Variants in DPY19L1 observed in about 807,000 individuals in gnomAD.
DPY19L1 encodes dpy-19 like C-mannosyltransferase 1.
Under a neutral mutation model 96.9 loss-of-function variants are expected in DPY19L1, and 35 were observed. The ratio of observed to expected loss-of-function variants is 0.36; its 90% CI spans 0.28 to 0.48. The LOEUF (loss-of-function observed/expected upper bound fraction) is 0.48. DPY19L1 is among the 20% of genes least tolerant of loss of function. DPY19L1 has a pLI of 0.99. For missense variants in DPY19L1, 521 were observed against 777.9 expected (o/e 0.67, Z 3.93); for synonymous variants, 205 against 252.6 (o/e 0.81, Z 1.79).
intron 19 of DPY19L1, 66 bp from the exon 20 acceptor site, chr7:34,939,441 G>T: frequency 1.1e-5 from 15 of 1,377,100 alleles, no homozygotes; most frequent in Non-Finnish European, 1.4e-5. Context: ...TCCTTCAAGT[G>T]TAAATCAATT....
chr7:34,948,752 C>T (rs1239231709), intron 14 of DPY19L1, among the ~76,000 whole-genome samples: 1 of 152,178 alleles, frequency 6.6e-6, no homozygotes, highest in East Asian at 1.9e-4. Context: ...GCAAGATATG[C>T]TTCCTTTGTT....
At chr7:35,016,957 T>C (rs1347117206) in intron 3 of DPY19L1, among the ~76,000 whole-genome samples, 4 of 149,878 alleles carry the variant, frequency 2.7e-5, no homozygotes, top group Admixed American at 6.7e-5. Flanking sequence ...AAATGCAATG[T>C]GTAGGCACTG....
At chr7:34,992,457 G>A (rs540024158) in intron 6 of DPY19L1, among the ~76,000 whole-genome samples, 30 of 151,938 alleles carry the variant, frequency 2.0e-4, no homozygotes, top group Non-Finnish European at 3.5e-4. Context: ...TCCGTTCTCA[G>A]ATTATAGATT....
At chr7:34,983,902 T>C (rs1012726207) in intron 7 of DPY19L1, among the ~76,000 whole-genome samples, 1 of 152,146 alleles carries the variant, frequency 6.6e-6, no homozygotes, top group Non-Finnish European at 1.5e-5. Context: ...CGTCTAGGTT[T>C]ACCACCATCA....
At chr7:35,012,369 C>T (rs1442360925) in intron 4 of DPY19L1, among the ~76,000 whole-genome samples, 13 of 152,290 alleles carry the variant, frequency 8.5e-5, no homozygotes, top group Middle Eastern at 3.4e-3. Context: ...GACACTCCCT[C>T]GACTACTTCC....
intron 16 of DPY19L1, among the ~76,000 whole-genome samples, chr7:34,945,255 C>T (rs921384781): frequency 1.6e-4 from 25 of 151,846 alleles, no homozygotes; most frequent in African/African-American, 5.8e-4. Flanking sequence ...TTTTCCTATA[C>T]ATAATTCTCT....
intron 6 of DPY19L1, among the ~76,000 whole-genome samples, chr7:34,995,922 G>A (rs1785273471): frequency 1.4e-5 from 2 of 141,652 alleles, no homozygotes; most frequent in South Asian, 5.3e-4. Context: ...GCGGTGGGGG[G>A]GGCGGTGGGG....
intron 6 of DPY19L1, chr7:35,000,658 A>G (rs1399366086): frequency 3.9e-5 from 6 of 152,216 alleles, no homozygotes; most frequent in Non-Finnish European, 5.9e-5. Flanking sequence ...GCATACAGAA[A>G]TATCAGCTGA....
intron 21 of DPY19L1, among the ~76,000 whole-genome samples, chr7:34,933,299 C>T (rs570023310): frequency 2.6e-5 from 4 of 152,352 alleles, no homozygotes; most frequent in East Asian, 3.9e-4. Flanking sequence ...CCCCACTCCT[C>T]GCTTCCCGAG....
intron 3 of DPY19L1, among the ~76,000 whole-genome samples, chr7:35,017,061 T>C (rs1003295437): frequency 4.6e-5 from 7 of 152,052 alleles, no homozygotes; most frequent in African/African-American, 1.7e-4. Flanking sequence ...TATTTGATTA[T>C]ATTAAGGATA....
chr7:34,939,936 C>G (rs1031648304), intron 19 of DPY19L1, among the ~76,000 whole-genome samples: 1 of 152,036 alleles, frequency 6.6e-6, no homozygotes, highest in African/African-American at 2.4e-5. Context: ...TAAAAAATGG[C>G]AGAATAAATT....
chr7:34,997,541 C>A (rs1346940205), intron 6 of DPY19L1, among the ~76,000 whole-genome samples: 1 of 139,698 alleles, frequency 7.2e-6, no homozygotes, highest in Admixed American at 7.6e-5. Context: ...ACCCAGGAGG[C>A]GGAGCTTGCA....
intron 13 of DPY19L1, among the ~76,000 whole-genome samples, chr7:34,951,188 A>C (rs1208541190): frequency 6.6e-6 from 1 of 152,122 alleles, no homozygotes; most frequent in Non-Finnish European, 1.5e-5. Flanking sequence ...GACAAAAACT[A>C]AAGGAAGAAA....
chr7:35,023,828 C>CTTTTTTTT (rs1786053482), intron 1 of DPY19L1, among the ~76,000 whole-genome samples: 1 of 123,802 alleles, frequency 8.1e-6, no homozygotes, highest in Non-Finnish European at 1.8e-5. Flanking sequence ...TTTTTCTTTT[C>CTTTTTTTT]TTTTCTTTTT....
chr7:34,955,779 T>C (rs1784366177), intron 11 of DPY19L1, among the ~76,000 whole-genome samples: 1 of 152,198 alleles, frequency 6.6e-6, no homozygotes, highest in South Asian at 2.1e-4. Context: ...AACTAAATAC[T>C]TCTCTGAAGT....
chr7:34,954,888 C>A, intron 12 of DPY19L1, 110 bp from the exon 13 acceptor site: 4 of 487,078 alleles, frequency 8.2e-6, no homozygotes, highest in South Asian at 4.5e-5. Flanking sequence ...TTACTATCTA[C>A]AAGAGAAAAT....
intron 18 of DPY19L1, among the ~76,000 whole-genome samples, chr7:34,940,530 T>C (rs774103854): frequency 4.6e-5 from 7 of 152,116 alleles, no homozygotes; most frequent in Non-Finnish European, 1.0e-4. Context: ...GAACACAATG[T>C]AGGAAGCTCT....
rs1784264300 is a variant in DPY19L1 at position 34,951,456 on chromosome 7, G to C, written c.1321-1558C>G. Among the ~76,000 whole-genome samples the C allele has an allele frequency of 2.6e-5, 4 of 151,858 alleles. No individual in the cohort carries two copies. The South Asian group carries it at 8.3e-4, about 32-fold the overall frequency. Reference sequence around the variant, plus strand: ...TACAACTAGAAAATACCTAGAAATTGCTTTAAAAATTCTTGATTAGAAGTT... The same window carrying C: ...TACAACTAGAAAATACCTAGAAATTCCTTTAAAAATTCTTGATTAGAAGTT... On this transcript the variant is annotated intron_variant, in intron 13 of 21. Coordinates refer to ENST00000638088, the MANE Select transcript of DPY19L1 (RefSeq NM_001366673.1).
chr7:34,947,283 A>G (rs1584207883), intron 15 of DPY19L1, among the ~76,000 whole-genome samples: 1 of 152,300 alleles, frequency 6.6e-6, no homozygotes. Flanking sequence ...TCACTTAGGT[A>G]TATTTTAAAT....
Sources: allele counts gnomAD v4.1 joint callset (sites outside exome capture counted in the v4.1 genomes callset), GRCh38; gene constraint gnomAD v4.1.1; transcripts MANE v1.5; gene names NCBI Gene and HGNC (gene_info 2026-07-23, HGNC 2026-07-21).